VPS13A: variants seen among roughly 807,000 people sequenced by gnomAD.
VPS13A encodes intermembrane lipid transfer protein VPS13A.
A neutral mutation model predicts 390.9 loss-of-function variants in VPS13A; 264 were observed. The observed-to-expected ratio is 0.68, with a 90% confidence interval of 0.61 to 0.75. The LOEUF (loss-of-function observed/expected upper bound fraction) is 0.75. Ranked by LOEUF, VPS13A falls within the 30% of genes least tolerant of loss-of-function variation. The probability of loss-of-function intolerance (pLI) is 0.00; values close to 1 mark genes in which losing one functional copy is unlikely to be tolerated. For missense variants in VPS13A, 3,409 were observed against 3,733.9 expected (o/e 0.91, Z 2.27); for synonymous variants, 1,231 against 1,227.1 (o/e 1.00, Z -0.07).
At chr9:77,310,705 GA>G (rs2131416532) in intron 35 of VPS13A, among the ~76,000 whole-genome samples, 1 of 152,266 alleles carries the variant, frequency 6.6e-6, no homozygotes, top group East Asian at 1.9e-4. Context: ...TGATAACTTA[GA>G]AGTAAAGACA....
chr9:77,256,047 T>C (rs1240372157), intron 22 of VPS13A, among the ~76,000 whole-genome samples: 1 of 152,094 alleles, frequency 6.6e-6, no homozygotes, highest in Non-Finnish European at 1.5e-5. Context: ...AGGTTTAGTT[T>C]GCTGTTCTTT....
intron 68 of VPS13A, among the ~76,000 whole-genome samples, chr9:77,388,475 G>A (rs1241759222): frequency 2.0e-5 from 3 of 152,092 alleles, no homozygotes; most frequent in Non-Finnish European, 1.5e-5. Flanking sequence ...AATTTATTTA[G>A]CAATTATTCC....
At chr9:77,261,691 T>G (rs1825773511) in intron 23 of VPS13A, among the ~76,000 whole-genome samples, 1 of 152,068 alleles carries the variant, frequency 6.6e-6, no homozygotes, top group Non-Finnish European at 1.5e-5. Flanking sequence ...TTCAAGCGGT[T>G]GTCCCATCTC....
intron 69 of VPS13A, among the ~76,000 whole-genome samples, chr9:77,404,515 CCAT>C (rs1263830023): frequency 6.6e-6 from 1 of 152,086 alleles, no homozygotes; most frequent in East Asian, 1.9e-4. Flanking sequence ...TAAAAATTTT[CCAT>C]CATGTTTTTA....
Position 77,337,516 on chromosome 9 carries a change from C to T in VPS13A, c.6357C>T (p.Tyr2119=), listed in dbSNP as rs2131499119. The T allele has an allele frequency of 3.7e-6, 6 of 1,612,670 alleles. No individual in the cohort carries two copies. Among genetic ancestry groups the T allele is most frequent in the Non-Finnish European group, 5.1e-6 (6 of 1,179,420 alleles). Residue 2119 remains tyrosine (Y), a synonymous_variant, in exon 47 of 72, where the codon TAC becomes TAT. Coordinates refer to ENST00000360280, the MANE Select transcript of VPS13A (RefSeq NM_033305.3). ...PPILLRNLLP[Y]KIAYYIEGIE... ...TCCTGCTCCGAAATCTTCTTCCTTACAAAATTGCTTATTATATAGAGGTAT... is the reference window on the plus strand; with the variant it reads ...TCCTGCTCCGAAATCTTCTTCCTTATAAAATTGCTTATTATATAGAGGTAT...
chr9:77,209,165 G>C (rs905798914), intron 5 of VPS13A, among the ~76,000 whole-genome samples: 3 of 152,006 alleles, frequency 2.0e-5, no homozygotes, highest in Admixed American at 6.6e-5. Context: ...TTTGTACTCA[G>C]GCATAGGTTA....
chr9:77,382,390 A>T, intron 68 of VPS13A: 1 of 1,466,610 alleles, frequency 6.8e-7, no homozygotes, highest in South Asian at 1.5e-5. Context: ...AGTATTTTGA[A>T]TACAAAGAAA....
At chr9:77,314,859 T>C (rs531253441) in intron 37 of VPS13A, among the ~76,000 whole-genome samples, 195 bp downstream of exon 37, 4 of 152,310 alleles carry the variant, frequency 2.6e-5, no homozygotes, top group Non-Finnish European at 5.9e-5. Context: ...TACTGGATAA[T>C]TGATAGATTG....
At chr9:77,195,794 C>T (rs539678384) in intron 1 of VPS13A, among the ~76,000 whole-genome samples, 3 of 150,008 alleles carry the variant, frequency 2.0e-5, no homozygotes, top group Non-Finnish European at 3.0e-5. Flanking sequence ...TTTTTCCATT[C>T]TCTTTCACTT....
chr9:77,183,739 C>T (rs1359080544), intron 1 of VPS13A, among the ~76,000 whole-genome samples: 1 of 152,144 alleles, frequency 6.6e-6, no homozygotes, highest in Non-Finnish European at 1.5e-5. Flanking sequence ...CATGTTTACC[C>T]AAGAGAAATG....
At chr9:77,299,530 T>C (rs937561137) in intron 33 of VPS13A, among the ~76,000 whole-genome samples, 1 of 152,084 alleles carries the variant, frequency 6.6e-6, no homozygotes, top group Non-Finnish European at 1.5e-5. Context: ...TCCTCAAGGA[T>C]CTAGAACCAG....
At chr9:77,362,011 G>T (rs1483579162) in intron 59 of VPS13A, among the ~76,000 whole-genome samples, 2 of 152,074 alleles carry the variant, frequency 1.3e-5, no homozygotes, top group African/African-American at 4.8e-5. Flanking sequence ...ATTATTTAAT[G>T]AGTTATTTGT....
chr9:77,224,136 T>A (rs1160057404), intron 13 of VPS13A, among the ~76,000 whole-genome samples: 2 of 152,100 alleles, frequency 1.3e-5, no homozygotes, highest in African/African-American at 4.8e-5. Context: ...TAAAAAAAGA[T>A]TTTTTTCAAA....
chr9:77,181,221 T>A (rs1823996387), intron 1 of VPS13A, among the ~76,000 whole-genome samples: 1 of 152,050 alleles, frequency 6.6e-6, no homozygotes, highest in Admixed American at 6.6e-5. Flanking sequence ...GTTTGAAAAT[T>A]TCTGTAATAG....
intron 68 of VPS13A, chr9:77,382,883 C>A (rs924930327): frequency 7.1e-6 from 7 of 985,352 alleles, no homozygotes; most frequent in African/African-American, 5.2e-5. Flanking sequence ...TTGGTAAATT[C>A]GACTTTTTAA....
At chr9:77,202,200 A>T (rs1825370353) in intron 3 of VPS13A, among the ~76,000 whole-genome samples, 2 of 152,148 alleles carry the variant, frequency 1.3e-5, no homozygotes, top group African/African-American at 4.8e-5. Flanking sequence ...ATTAGACCAC[A>T]TACCATAGAA....
At chr9:77,234,485 TC>T (rs1824019266) in intron 17 of VPS13A, among the ~76,000 whole-genome samples, 1 of 152,240 alleles carries the variant, frequency 6.6e-6, no homozygotes, top group East Asian at 1.9e-4. Context: ...ATGCCTATGG[TC>T]CCTGACTTAG....
At chr9:77,409,788 G>A (rs980235534) in intron 71 of VPS13A, among the ~76,000 whole-genome samples, 1 of 151,228 alleles carries the variant, frequency 6.6e-6, no homozygotes, top group Non-Finnish European at 1.5e-5. Context: ...AGAAATATGG[G>A]ACTATGTGAA....
At chr9:77,346,338 T>G (rs1448728500) in intron 52 of VPS13A, among the ~76,000 whole-genome samples, 1 of 152,208 alleles carries the variant, frequency 6.6e-6, no homozygotes, top group Non-Finnish European at 1.5e-5. Flanking sequence ...TCTATTCATG[T>G]CCTTAGCCCA....
Sources: allele counts gnomAD v4.1 joint callset (sites outside exome capture counted in the v4.1 genomes callset), GRCh38; gene constraint gnomAD v4.1.1; transcripts MANE v1.5; gene names NCBI Gene and HGNC (gene_info 2026-07-23, HGNC 2026-07-21).